The following PPARD variants were observed in gnomAD, a reference collection of about 807,000 sequenced individuals.
PPARD encodes the protein peroxisome proliferator activated receptor delta.
Under a neutral mutation model 39.5 loss-of-function variants are expected in PPARD, and 6 were observed. That is an observed-to-expected ratio of 0.15 (90% confidence interval 0.08 to 0.30). The LOEUF is 0.30. Ranked by LOEUF, PPARD falls within the 10% of genes least tolerant of loss-of-function variation. The probability of loss-of-function intolerance (pLI) is 1.00; values close to 1 mark genes in which losing one functional copy is unlikely to be tolerated. For synonymous variants in PPARD, 210 were observed against 231.3 expected (o/e 0.91, Z 0.83); for missense variants, 397 against 596.8 (o/e 0.67, Z 3.49).
rs181169611 is a variant in PPARD, at chr6:35,399,947, T to C, written c.-101-11040T>C. On this transcript the variant is annotated intron_variant, in intron 2 of 7. Coordinates refer to ENST00000360694, the MANE Select transcript of PPARD (RefSeq NM_006238.5). ...TTGGGCCATTTCTGATTTTTTGTTA[T>C]TATAAATAACATTGCAGTGAACAGC... 5.9e-5 allele frequency among the ~76,000 whole-genome samples: 9 copies of C among 152,342 alleles called. No individual in the cohort carries two copies. In the East Asian group the frequency reaches 1.2e-3, roughly 20 times the overall value.
rs974455476 is a variant in PPARD at position 35,363,289 on chromosome 6, G to C, written c.-102+16139G>C. Among the ~76,000 whole-genome samples the C allele has an allele frequency of 3.9e-5, 6 of 152,144 alleles. No homozygotes were observed. The highest frequency in any genetic ancestry group is 1.2e-4 in the African/African-American group (5 of 41,420). ...TTGGGCTAGGAATTCATGCTTAAAA[G>C]CAGGCTGATTTCCATAGGCTGTGCG... On this transcript the variant is annotated intron_variant, in intron 2 of 7. Transcript: ENST00000360694. This position sits in a 1 kb window ranked among gnomAD's most constrained non-coding sequence, Gnocchi z 4.5.
At position 35,369,621 on chromosome 6, in the gene PPARD, C is replaced by A. The variant is rs1022215689; in HGVS notation, c.-102+22471C>A. 9.9e-5 allele frequency among the ~76,000 whole-genome samples: 15 copies of A among 152,146 alleles called. No individual in the cohort carries two copies. In the South Asian group the frequency reaches 1.0e-3, roughly 11 times the overall value. On this transcript the variant is annotated intron_variant, in intron 2 of 7. Transcript: ENST00000360694. The stretch of plus-strand genomic sequence containing the variant: ...ACATAATCATGGTACTGTTTTGAAA[C>A]CTGCTTTAAACATTTATATCCTAGC...
chr6:35,420,368 G>T (rs1766068761), intron 4 of PPARD, 87 bp downstream of exon 4: 1 of 1,474,844 alleles, frequency 6.8e-7, no homozygotes, highest in African/African-American at 1.4e-5. Flanking sequence ...TTGCCTTGGG[G>T]TGGGGCCCTG....
chr6:35,370,983 C>G (rs1392821448), intron 2 of PPARD, among the ~76,000 whole-genome samples: 2 of 152,192 alleles, frequency 1.3e-5, no homozygotes, highest in African/African-American at 2.4e-5. Flanking sequence ...GGGTTTCTTC[C>G]AGGCCTTCCC....
chr6:35,345,874 G>GTTTTTTTTTTT (rs947186291), intron 1 of PPARD, among the ~76,000 whole-genome samples: 1 of 114,612 alleles, frequency 8.7e-6, no homozygotes, highest in African/African-American at 3.5e-5. Flanking sequence ...CTTTTTTTTC[G>GTTTTTTTTTTT]TTTTTTTTTT....
At chr6:35,372,313 G>A (rs1389667151) in intron 2 of PPARD, among the ~76,000 whole-genome samples, 2 of 152,184 alleles carry the variant, frequency 1.3e-5, no homozygotes, top group African/African-American at 4.8e-5. Context: ...GAGTAGCTGG[G>A]TTTACAGGCT....
At chr6:35,353,202 G>C (rs1403726008) in intron 2 of PPARD, among the ~76,000 whole-genome samples, 1 of 152,186 alleles carries the variant, frequency 6.6e-6, no homozygotes, top group East Asian at 1.9e-4. Flanking sequence ...TGGGCAATGG[G>C]GGAGCCATCA....
chr6:35,385,706 C>G (rs1763605494), intron 2 of PPARD, among the ~76,000 whole-genome samples: 1 of 150,308 alleles, frequency 6.7e-6, no homozygotes, highest in African/African-American at 2.5e-5. Flanking sequence ...ACTCCTGTGG[C>G]CTGGCATGAA....
At chr6:35,382,412 T>G (rs1403573582) in intron 2 of PPARD, among the ~76,000 whole-genome samples, 1 of 152,254 alleles carries the variant, frequency 6.6e-6, no homozygotes, top group African/African-American at 2.4e-5. Flanking sequence ...GAAATGGGTA[T>G]AATTGTTTCA....
At chr6:35,382,786 A>G (rs1763222322) in intron 2 of PPARD, among the ~76,000 whole-genome samples, 1 of 152,180 alleles carries the variant, frequency 6.6e-6, no homozygotes, top group African/African-American at 2.4e-5. Context: ...GCAAGTTACC[A>G]TCCTATCCTC....
chr6:35,398,381 A>G (rs1764479028), intron 2 of PPARD, among the ~76,000 whole-genome samples: 1 of 152,180 alleles, frequency 6.6e-6, no homozygotes. Context: ...CCTTGACTCT[A>G]ACTTAAAGGT....
Position 35,424,119 on chromosome 6 carries a change from A to T in PPARD, c.598A>T (p.Ile200Phe). The T allele has an allele frequency of 6.2e-7, 1 of 1,613,426 alleles. No homozygotes were observed. The highest frequency in any genetic ancestry group is 8.5e-7 in the Non-Finnish European group (1 of 1,180,030). The change falls in exon 6 of 8, where the codon ATC (isoleucine) becomes TTC (phenylalanine). Residue 200 changes from isoleucine (I) to phenylalanine (F), a missense_variant. Physicochemically the swap from Ile to Phe is conservative, Grantham distance 21. Coordinates refer to ENST00000360694, the MANE Select transcript of PPARD (RefSeq NM_006238.5). The surrounding 1 kb of genome is among the most constrained non-coding windows in gnomAD (Gnocchi z 7.1). The stretch of plus-strand genomic sequence containing the variant: ...CATGACCAAAAAGAAGGCCCGCAGC[A>T]TCCTCACCGGCAAAGCCAGCCACAC... ...FNMTKKKARSILTGKASHTAP... is the reference protein window; with the variant it reads ...FNMTKKKARSFLTGKASHTAP...
chr6:35,365,498 C>CT (rs113453800), intron 2 of PPARD, among the ~76,000 whole-genome samples: 1,817 of 134,476 alleles, frequency 0.014, 19 homozygotes, highest in Non-Finnish European at 0.023. Flanking sequence ...CCAGTCTCTT[C>CT]TTTTTTTTTT....
At position 35,425,294 on chromosome 6, in the gene PPARD, A is replaced by G; in HGVS notation, c.1078+515A>G. Reference sequence around the variant, plus strand: ...GTCTCAAAAAAAAGGAAAAGGACTAACAGGCAGTATGCTGTCATGTTAATG... The same window carrying G: ...GTCTCAAAAAAAAGGAAAAGGACTAGCAGGCAGTATGCTGTCATGTTAATG... On this transcript the variant is annotated intron_variant, in intron 7 of 7. Coordinates refer to ENST00000360694, the MANE Select transcript of PPARD (RefSeq NM_006238.5). This position sits in a 1 kb window ranked among gnomAD's most constrained non-coding sequence, Gnocchi z 4.5. 2.0e-6 allele frequency: 2 copies of G among 1,007,366 alleles called. No individual in the cohort carries two copies. Among genetic ancestry groups the G allele is most frequent in the Non-Finnish European group, 2.4e-6 (2 of 842,496 alleles). 62.4% of individuals were successfully genotyped at this position (1,007,366 alleles called of 1,614,324 possible). A position where few individuals can be genotyped will look rare whatever the true frequency, so the allele number is the denominator to read the frequency against.
chr6:35,389,987 T>C (rs896261001), intron 2 of PPARD, among the ~76,000 whole-genome samples: 1 of 152,194 alleles, frequency 6.6e-6, no homozygotes, highest in Non-Finnish European at 1.5e-5. Context: ...CTATACACCT[T>C]AGAAACTAGG....
intron 2 of PPARD, among the ~76,000 whole-genome samples, chr6:35,379,122 A>T (rs1386840410): frequency 7.4e-6 from 1 of 134,248 alleles, no homozygotes; most frequent in African/African-American, 2.8e-5. Flanking sequence ...TTCTTTTTTG[A>T]GATAGCGTCT....
At chr6:35,351,246 C>T (rs958965846) in intron 2 of PPARD, among the ~76,000 whole-genome samples, 5 of 151,716 alleles carry the variant, frequency 3.3e-5, no homozygotes, top group Non-Finnish European at 7.4e-5. Context: ...AGGATGGTCT[C>T]AATCTCCTGA....
chr6:35,349,172 C>T (rs907014444), intron 2 of PPARD, among the ~76,000 whole-genome samples: 8 of 152,106 alleles, frequency 5.3e-5, no homozygotes, highest in Non-Finnish European at 1.2e-4. Context: ...ACTACAGGCG[C>T]CCGCCACCAC....
chr6:35,400,797 TAA>T (rs570420109), intron 2 of PPARD, among the ~76,000 whole-genome samples: 8 of 141,078 alleles, frequency 5.7e-5, no homozygotes, highest in Non-Finnish European at 4.7e-5. Context: ...GATCTTGTCT[TAA>T]AAAAAAAAAA....
Sources: allele counts gnomAD v4.1 joint callset (sites outside exome capture counted in the v4.1 genomes callset), GRCh38; gene constraint gnomAD v4.1.1; non-coding constraint Gnocchi (gnomAD v3.1); transcripts MANE v1.5; gene names NCBI Gene and HGNC (gene_info 2026-07-23, HGNC 2026-07-21).